Variants in ZNF550 observed in about 807,000 individuals in gnomAD.
ZNF550 encodes zinc finger protein 550.
ZNF550 carries 42 observed loss-of-function variants against 40.2 expected under a neutral mutation model. That is an observed-to-expected ratio of 1.05 (90% confidence interval 0.82 to 1.35). ZNF550 has a LOEUF of 1.35. Among genes scored for constraint, ZNF550 ranks in the 40% most tolerant of loss-of-function variants. The pLI is 0.00. For synonymous variants in ZNF550, 223 were observed against 198.6 expected, an observed-to-expected ratio of 1.12 and a Z score of -1.03; for missense variants, 549 against 525.2, an observed-to-expected ratio of 1.05 and a Z score of -0.44.
chr19:57,555,710 A>C (rs7249682), intron 2 of ZNF550: 127,027 of 169,926 alleles, frequency 0.75, 47,774 homozygotes, highest in Middle Eastern at 0.83. Context: ...AGGGTATCAA[A>C]CCATGCCATT....
At chr19:57,548,486 A>C (rs776681013) in intron 3 of ZNF550, among the ~76,000 whole-genome samples, 8 of 152,246 alleles carry the variant, frequency 5.3e-5, no homozygotes, top group Non-Finnish European at 1.0e-4. Context: ...TGCTCAATAT[A>C]ATTGACCATC....
intron 2 of ZNF550, chr19:57,555,968 A>AC (rs1281403326): frequency 1.4e-5 from 6 of 432,376 alleles, no homozygotes; most frequent in Non-Finnish European, 2.6e-5. Flanking sequence ...GCCACAGCTG[A>AC]CCCCACCAGG....
At chr19:57,547,772 C>T in exon 4 of ZNF550, 1 of 1,614,132 alleles carries the variant, frequency 6.2e-7, no homozygotes, top group Non-Finnish European at 8.5e-7. Context: ...CCTTCACCTT[C>T]AAGGCTCACT....
chr19:57,557,609 A>G (rs184313582), intron 1 of ZNF550: 2 of 152,172 alleles, frequency 1.3e-5, no homozygotes, highest in East Asian at 1.9e-4. Flanking sequence ...TTCTTCCTCT[A>G]TACTTTGTCT....
Position 57,554,327 on chromosome 19 carries a change from C to T in ZNF550, c.155-1605G>A, listed in dbSNP as rs1350138418. On this transcript the variant is annotated intron_variant, in intron 2 of 4. Coordinates refer to ENST00000457177, the Ensembl canonical transcript of ZNF550. The surrounding 1 kb of genome is among the most constrained non-coding windows in gnomAD (Gnocchi z 4.5). ...TGGATTGAACATGGGGGCCTGCTGCCCCAGTCAAGGCTGCAGCACCCAGCA... is the reference window on the plus strand; with the variant it reads ...TGGATTGAACATGGGGGCCTGCTGCTCCAGTCAAGGCTGCAGCACCCAGCA... 1 of 152,160 alleles carries T rather than the reference C, an allele frequency of 6.6e-6. No homozygotes were observed. The highest frequency in any genetic ancestry group is 2.4e-5 in the African/African-American group (1 of 41,438). 9.4% of individuals were successfully genotyped at this position (152,160 alleles called of 1,614,324 possible).
intron 2 of ZNF550, 188 bp from the exon 3 acceptor site, chr19:57,552,910 A>T: frequency 1.8e-6 from 1 of 566,018 alleles, no homozygotes; most frequent in Non-Finnish European, 3.1e-6. Flanking sequence ...CATAAAAATC[A>T]TATGTTGATG....
chr19:57,550,734 G>A (rs2090065375), intron 3 of ZNF550, among the ~76,000 whole-genome samples: 1 of 152,178 alleles, frequency 6.6e-6, no homozygotes. Context: ...TTGCAGAAAT[G>A]CAAAAATTTA....
rs368943301 is a variant in ZNF550 at position 57,559,781 on chromosome 19, T to C, written c.-99A>G. 550 of 1,135,774 alleles carry C rather than the reference T, an allele frequency of 4.8e-4. 6 individuals are homozygous for C. The South Asian group carries it at 9.5e-3, about 20-fold the overall frequency. The allele number at this position is 1,135,774 out of a possible 1,614,324, so 70.4% of individuals were successfully genotyped here. On this transcript the variant is annotated 5_prime_UTR_variant, in exon 1 of 5. Transcript: ENST00000457177. ...GTGCGGAGGTGAGCCCCAGTCGCCC[T>C]ACCATCCTTCCCAGCACAGTTCTGA...
exon 4 of ZNF550, chr19:57,547,877 A>G: frequency 3.1e-6 from 5 of 1,613,660 alleles, no homozygotes; most frequent in South Asian, 1.1e-5. Context: ...GCTCTCCCCA[A>G]CCTCGAATCA....
intron 3 of ZNF550, among the ~76,000 whole-genome samples, chr19:57,548,951 C>A (rs1012492451): frequency 2.0e-4 from 31 of 151,986 alleles, no homozygotes; most frequent in African/African-American, 6.8e-4. Flanking sequence ...AAAATCAAAA[C>A]AACTGAACTC....
chr19:57,548,447 T>C (rs1413556363), intron 3 of ZNF550, among the ~76,000 whole-genome samples: 1 of 152,146 alleles, frequency 6.6e-6, no homozygotes, highest in Non-Finnish European at 1.5e-5. Flanking sequence ...AAAGAATACA[T>C]ACAAATGGCC....
intron 2 of ZNF550, chr19:57,552,998 G>T: frequency 2.8e-6 from 1 of 353,670 alleles, no homozygotes; most frequent in Non-Finnish European, 5.2e-6. Flanking sequence ...CACAAGGGTG[G>T]AGCCTTAATC....
At chr19:57,558,432 C>G (rs1350271427) in intron 1 of ZNF550, among the ~76,000 whole-genome samples, 2 of 152,082 alleles carry the variant, frequency 1.3e-5, no homozygotes, top group South Asian at 2.1e-4. Context: ...TGATGAGAGT[C>G]CCTATAAGAG....
exon 5 of ZNF550, chr19:57,541,899 A>G (rs1272442828): frequency 6.6e-6 from 1 of 152,222 alleles, no homozygotes; most frequent in Non-Finnish European, 1.5e-5. Context: ...AAACTTCAGA[A>G]CCAAAGTTAG....
At position 57,544,539 on chromosome 19, in the gene ZNF550, G is replaced by C. The variant is rs74442817; in HGVS notation, c.*519-1296C>G. 2.3e-3 allele frequency: 2,227 copies of C among 985,350 alleles called. 45 individuals are homozygous for C. In the African/African-American group the frequency reaches 0.036, roughly 16 times the overall value. 61.0% of individuals were successfully genotyped at this position (985,350 alleles called of 1,614,324 possible). A position where few individuals can be genotyped will look rare whatever the true frequency, so the allele number is the denominator to read the frequency against. On this transcript the variant is annotated intron_variant, in intron 4 of 4. Coordinates refer to ENST00000457177, the Ensembl canonical transcript of ZNF550. Reference sequence around the variant, plus strand: ...GATGCAGGAGGGTGGGGGTCCTCAAGAGTCAACTCTCCTTCCCACAGGAGA... The same window carrying C: ...GATGCAGGAGGGTGGGGGTCCTCAACAGTCAACTCTCCTTCCCACAGGAGA...
intron 1 of ZNF550, among the ~76,000 whole-genome samples, chr19:57,557,746 C>T (rs1287217304): frequency 6.6e-6 from 1 of 152,206 alleles, no homozygotes; most frequent in African/African-American, 2.4e-5. Context: ...CTAAGGCTTC[C>T]TTAGCCGTGG....
intron 1 of ZNF550, among the ~76,000 whole-genome samples, chr19:57,558,382 CAG>C (rs1325201421): frequency 1.3e-5 from 2 of 152,158 alleles, no homozygotes. Context: ...TACAGCCTTG[CAG>C]ACCATGCTGG....
chr19:57,554,531 G>T lies in ZNF550; in HGVS notation c.154+1700C>A, dbSNP rs1399944300. On this transcript the variant is annotated intron_variant, in intron 2 of 4. Transcript: ENST00000457177. This position sits in a 1 kb window ranked among gnomAD's most constrained non-coding sequence, Gnocchi z 4.5. The stretch of plus-strand genomic sequence containing the variant: ...ATTTCCTTCCAGGTGAAGCCAGTTT[G>T]ATCTGGTTTTCTGTTATATGCAGCC... 6.6e-6 allele frequency: 1 copy of T among 152,228 alleles called. No homozygotes were observed. The highest frequency in any genetic ancestry group is 2.4e-5 in the African/African-American group (1 of 41,446). The allele number at this position is 152,228 out of a possible 1,614,324, so 9.4% of individuals were successfully genotyped here.
exon 5 of ZNF550, chr19:57,541,961 A>G (rs1462866554): frequency 6.6e-6 from 1 of 152,194 alleles, no homozygotes; most frequent in Admixed American, 6.5e-5. Context: ...TCAAGGGACT[A>G]GCCCATATAA....
Sources: allele counts gnomAD v4.1 joint callset (sites outside exome capture counted in the v4.1 genomes callset), GRCh38; gene constraint gnomAD v4.1.1; non-coding constraint Gnocchi (gnomAD v3.1); transcripts MANE v1.5; gene names NCBI Gene and HGNC (gene_info 2026-07-23, HGNC 2026-07-21).